Variants in AOX1 observed in about 807,000 individuals in gnomAD.
The protein encoded by AOX1 is aldehyde oxidase.
AOX1 carries 153 observed loss-of-function variants against 169.5 expected under a neutral mutation model. The observed-to-expected ratio is 0.90, with a 90% CI of 0.79 to 1.03. The LOEUF (loss-of-function observed/expected upper bound fraction) is 1.03. Among genes scored for constraint, AOX1 ranks in the 50% least tolerant of loss-of-function variants. The pLI is 0.00. For synonymous variants in AOX1, 562 were observed against 581.9 expected, an observed-to-expected ratio of 0.97 and a Z score of 0.49; for missense variants, 1,656 against 1,663.9, an observed-to-expected ratio of 1.00 and a Z score of 0.08.
At chr2:200,641,993 G>C (rs773312284) in intron 24 of AOX1, among the ~76,000 whole-genome samples, 2 of 152,114 alleles carry the variant, frequency 1.3e-5, no homozygotes, top group Non-Finnish European at 2.9e-5. Flanking sequence ...GCCGGGTATG[G>C]TGGCACACAC....
At chr2:200,603,712 G>T (rs1180118299) in intron 7 of AOX1, among the ~76,000 whole-genome samples, 3 of 152,166 alleles carry the variant, frequency 2.0e-5, no homozygotes, top group African/African-American at 7.2e-5. Context: ...GACAGGAGAG[G>T]TTCAGGGAGC....
intron 20 of AOX1, among the ~76,000 whole-genome samples, chr2:200,633,164 G>A (rs1488433607): frequency 6.6e-6 from 1 of 152,094 alleles, no homozygotes; most frequent in African/African-American, 2.4e-5. Context: ...TGGTGCTTTT[G>A]TCCTTAGTTT....
intron 25 of AOX1, among the ~76,000 whole-genome samples, chr2:200,646,707 A>G (rs187988009): frequency 2.0e-5 from 3 of 152,108 alleles, no homozygotes; most frequent in African/African-American, 7.2e-5. Context: ...TCTTAGGTCT[A>G]TTAGTAATTG....
chr2:200,651,868 C>G (rs1449277602), intron 26 of AOX1, among the ~76,000 whole-genome samples: 1 of 152,130 alleles, frequency 6.6e-6, no homozygotes, highest in Non-Finnish European at 1.5e-5. Context: ...AAAACTTACC[C>G]CTAACGGCTG....
intron 4 of AOX1, 97 bp from the exon 5 acceptor site, chr2:200,599,523 C>A: frequency 2.0e-6 from 2 of 999,176 alleles, no homozygotes; most frequent in Non-Finnish European, 2.9e-6. Context: ...AACATGCAGA[C>A]AAATCACCTG....
chr2:200,652,990 TAGA>T (rs1327460109), intron 26 of AOX1, among the ~76,000 whole-genome samples: 1 of 152,192 alleles, frequency 6.6e-6, no homozygotes, highest in Non-Finnish European at 1.5e-5. Flanking sequence ...TGGGACAACC[TAGA>T]AGATTTGTAT....
chr2:200,638,087 T>A, intron 22 of AOX1, 128 bp from the exon 23 acceptor site: 1 of 730,676 alleles, frequency 1.4e-6, no homozygotes, highest in Middle Eastern at 4.0e-4. Flanking sequence ...AGGATAGGCA[T>A]GCGAAATAGT....
Position 200,641,168 on chromosome 2 carries a change from T to A in AOX1, c.2639T>A (p.Leu880Ter), listed in dbSNP as rs1388362840. ...CATTACAGCAATGCAGGCGCCTCCT[T>A]GGATGAATCATTATTCGTAAGTGTT... ...MEHYSNAGAS[L>*]DESLFVIEMG... The change falls in exon 24 of 35, where the codon TTG becomes TAG. Residue 880 changes from leucine (L) to a stop codon, truncating the protein, a stop_gained. Coordinates refer to ENST00000374700, the MANE Select transcript of AOX1 (RefSeq NM_001159.4). LOFTEE classifies it high-confidence loss of function. 6.2e-7 allele frequency: 1 copy of A among 1,611,210 alleles called. No homozygotes were observed. The highest frequency in any genetic ancestry group is 1.3e-5 in the African/African-American group (1 of 74,900).
At chr2:200,617,481 C>CA (rs35035526) in intron 16 of AOX1, among the ~76,000 whole-genome samples, 11,477 of 57,910 alleles carry the variant, frequency 0.2, 1,429 homozygotes, top group Non-Finnish European at 0.26. Context: ...CAACTAACTG[C>CA]AAAAAAAAAA....
chr2:200,595,478 G>A, intron 3 of AOX1, 110 bp downstream of exon 3: 1 of 658,408 alleles, frequency 1.5e-6, no homozygotes, highest in Non-Finnish European at 2.5e-6. Context: ...AAAAGAACTG[G>A]CCACTTGGCG....
At chr2:200,676,599 CAAA>C (rs58206033) in intron 4 of AOX1, among the ~76,000 whole-genome samples, 18 of 98,030 alleles carry the variant, frequency 1.8e-4, no homozygotes, top group Non-Finnish European at 1.7e-4. Context: ...GACTACATCT[CAAA>C]AAAAAAAAAA....
chr2:200,646,653 G>A (rs1475433717), intron 25 of AOX1, among the ~76,000 whole-genome samples: 1 of 152,074 alleles, frequency 6.6e-6, no homozygotes, highest in Non-Finnish European at 1.5e-5. Flanking sequence ...TCCTGTCAGT[G>A]GAGTACTGAA....
At chr2:200,617,439 G>C (rs2034785071) in intron 16 of AOX1, among the ~76,000 whole-genome samples, 1 of 130,812 alleles carries the variant, frequency 7.6e-6, no homozygotes, top group South Asian at 2.6e-4. Context: ...GCAGGTAATT[G>C]AGGACAGCTT....
At chr2:200,621,086 C>A (rs752631663) in intron 17 of AOX1, 34 bp from the exon 18 acceptor site, 21 of 1,583,810 alleles carry the variant, frequency 1.3e-5, no homozygotes, top group Admixed American at 2.0e-5. Context: ...CCTCTATGGC[C>A]ACTCTAAGGA....
chr2:200,621,549 A>C (rs2034886384), intron 18 of AOX1, among the ~76,000 whole-genome samples: 2 of 152,108 alleles, frequency 1.3e-5, no homozygotes, highest in Non-Finnish European at 2.9e-5. Context: ...TTTTATATGG[A>C]AATCCCTTCC....
At chr2:200,622,901 T>C (rs975051454) in intron 18 of AOX1, among the ~76,000 whole-genome samples, 1 of 152,220 alleles carries the variant, frequency 6.6e-6, no homozygotes, top group Non-Finnish European at 1.5e-5. Context: ...ATGAACCCCA[T>C]AGATCCATCA....
intron 27 of AOX1, among the ~76,000 whole-genome samples, chr2:200,658,790 T>A (rs1162136036): frequency 6.6e-6 from 1 of 152,122 alleles, no homozygotes; most frequent in Non-Finnish European, 1.5e-5. Flanking sequence ...GAGATAGACA[T>A]CTCCTATCAT....
chr2:200,654,356 T>C (rs2035642410), intron 26 of AOX1, among the ~76,000 whole-genome samples: 1 of 152,056 alleles, frequency 6.6e-6, no homozygotes, highest in Admixed American at 6.6e-5. Flanking sequence ...CTCTGAAGGC[T>C]CAGATGGTTG....
chr2:200,620,550 CTAAAT>C, intron 16 of AOX1, 95 bp from the exon 17 acceptor site: 1 of 1,151,802 alleles, frequency 8.7e-7, no homozygotes, highest in Non-Finnish European at 1.2e-6. Flanking sequence ...TGGTTTGAGT[CTAAAT>C]TATATAGCTA....
Sources: allele counts gnomAD v4.1 joint callset (sites outside exome capture counted in the v4.1 genomes callset), GRCh38; gene constraint gnomAD v4.1.1; transcripts MANE v1.5; gene names NCBI Gene and HGNC (gene_info 2026-07-23, HGNC 2026-07-21).